The following NALCN variants were observed in gnomAD, a reference collection of about 807,000 sequenced individuals.
NALCN encodes sodium leak channel NALCN.
In NALCN, 111 loss-of-function variants were observed where a neutral mutation model predicts 225.3. That is an observed-to-expected ratio of 0.49 (90% confidence interval 0.42 to 0.58). The LOEUF (loss-of-function observed/expected upper bound fraction) is 0.58. Among genes scored for constraint, NALCN ranks in the 20% least tolerant of loss-of-function variants. The probability of loss-of-function intolerance (pLI) is 0.00; values close to 1 mark genes in which losing one functional copy is unlikely to be tolerated. For missense variants in NALCN, 1,378 were observed against 2,202.4 expected (o/e 0.63, Z 7.49); for synonymous variants, 764 against 769.0 (o/e 0.99, Z 0.11).
At chr13:101,286,211 G>C (rs2043332486) in intron 9 of NALCN, among the ~76,000 whole-genome samples, 1 of 152,138 alleles carries the variant, frequency 6.6e-6, no homozygotes. Context: ...ATCCTTGCGG[G>C]GAGCGTGGCA....
At chr13:101,400,772 AC>A (rs1471827233) in intron 1 of NALCN, among the ~76,000 whole-genome samples, 1 of 151,436 alleles carries the variant, frequency 6.6e-6, no homozygotes, top group Non-Finnish European at 1.5e-5. Flanking sequence ...GTGTCCTCCC[AC>A]CCCCCAAAAT....
chr13:101,231,002 A>G lies in NALCN; in HGVS notation c.1435-1418T>C, dbSNP rs917962603. 5.3e-5 allele frequency among the ~76,000 whole-genome samples: 8 copies of G among 152,330 alleles called. 1 individual carries two copies. Among genetic ancestry groups the G allele is most frequent in the South Asian group, 4.1e-4 (2 of 4,828 alleles). On this transcript the variant is annotated intron_variant, in intron 12 of 43. Coordinates refer to ENST00000251127, the MANE Select transcript of NALCN (RefSeq NM_052867.4). ...TTACCTTTGTGTGACAATTGCCTAC[A>G]GTATTCAATGTAGTCATACACTGTA...
In NALCN at chr13:101,172,099, G is replaced by A. The variant is rs550376054; in HGVS notation, c.1839+4201C>T. ...ATAGCTTCTCATGAGGACGCCTAGA[G>A]CTCAGCAGTCCTTGGCTAGAAACCA... On this transcript the variant is annotated intron_variant, in intron 15 of 43. Transcript: ENST00000251127. Among the ~76,000 whole-genome samples the A allele has an allele frequency of 2.4e-3, 361 of 152,288 alleles. 3 individuals carry two copies. The highest frequency in any genetic ancestry group is 3.4e-3 in the Middle Eastern group (1 of 294).
At chr13:101,286,536 C>T (rs1195788743) in intron 9 of NALCN, among the ~76,000 whole-genome samples, 2 of 152,164 alleles carry the variant, frequency 1.3e-5, no homozygotes, top group African/African-American at 4.8e-5. Flanking sequence ...CGTGGCAACA[C>T]AGACAACCAT....
chr13:101,114,513 G>T (rs978831273), intron 18 of NALCN, among the ~76,000 whole-genome samples: 2 of 151,880 alleles, frequency 1.3e-5, no homozygotes, highest in African/African-American at 2.4e-5. Context: ...CATATTGTGA[G>T]GTGCTCTACG....
chr13:101,364,896 A>T (rs76231032), intron 6 of NALCN, among the ~76,000 whole-genome samples: 1,709 of 152,290 alleles, frequency 0.011, 79 homozygotes, highest in East Asian at 0.089. Flanking sequence ...AAATAAATAC[A>T]TAGGAATCAA....
rs753418454 is a variant in NALCN, at chr13:101,104,371, A to T, written c.2813T>A (p.Met938Lys). Residue 938 changes from methionine to lysine, a missense_variant, in exon 25 of 44, where the codon ATG (methionine) becomes AAG (lysine). This residue lies in a region of NALCN where 292 missense variants were observed against 409.5 expected (regional missense o/e 0.71). Coordinates refer to ENST00000251127, the MANE Select transcript of NALCN (RefSeq NM_052867.4). This position sits in a 1 kb window ranked among gnomAD's most constrained non-coding sequence, Gnocchi z 4.2. The stretch of plus-strand genomic sequence containing the variant: ...TGGAGTGAAAAATAAGCCATCTGCC[A>T]TAATCTTCAGATTAAGCTCAATGCT... ...FMSIELNLKI[M>K]ADGLFFTPTA... 6.2e-7 allele frequency: 1 copy of T among 1,613,916 alleles called. No homozygotes were observed. The highest frequency in any genetic ancestry group is 1.7e-5 in the Admixed American group (1 of 59,988).
At chr13:101,096,268 T>C (rs998040515) in intron 27 of NALCN, among the ~76,000 whole-genome samples, 2 of 152,146 alleles carry the variant, frequency 1.3e-5, no homozygotes, top group Non-Finnish European at 2.9e-5. Context: ...GAAACTTGTA[T>C]AAAATGTTTA....
rs1008805082 is a variant in NALCN at position 101,089,405 on chromosome 13, A to T, written c.3489+258T>A. ...CATCTTTCTTTTCAATTTGAACAAT[A>T]GGAGACGCGCCTCTCAGTTGTCGGT... On this transcript the variant is annotated intron_variant, in intron 30 of 43. Coordinates refer to ENST00000251127, the MANE Select transcript of NALCN (RefSeq NM_052867.4). The surrounding 1 kb of genome is among the most constrained non-coding windows in gnomAD (Gnocchi z 4.7). Among the ~76,000 whole-genome samples, 2 of 152,222 alleles carry T rather than the reference A, an allele frequency of 1.3e-5. No individual in the cohort carries two copies. Among genetic ancestry groups the T allele is most frequent in the African/African-American group, 4.8e-5 (2 of 41,456 alleles).
At chr13:101,211,716 A>G (rs1018497452) in intron 13 of NALCN, among the ~76,000 whole-genome samples, 7 of 151,758 alleles carry the variant, frequency 4.6e-5, no homozygotes, top group Admixed American at 6.6e-5. Flanking sequence ...TTTCTATTGC[A>G]GAGTCATGCT....
chr13:101,139,633 C>A (rs2036970239), intron 17 of NALCN, among the ~76,000 whole-genome samples: 1 of 151,844 alleles, frequency 6.6e-6, no homozygotes, highest in African/African-American at 2.4e-5. Flanking sequence ...AGTGAAGAAC[C>A]CTGCCTGTCA....
chr13:101,328,702 G>A (rs979347527), intron 7 of NALCN, among the ~76,000 whole-genome samples: 2 of 152,002 alleles, frequency 1.3e-5, no homozygotes, highest in Non-Finnish European at 2.9e-5. Flanking sequence ...TAAATATTGA[G>A]AACTCATTAG....
intron 10 of NALCN, among the ~76,000 whole-genome samples, chr13:101,271,071 G>C (rs542857905): frequency 6.6e-6 from 1 of 152,236 alleles, no homozygotes; most frequent in East Asian, 1.9e-4. Flanking sequence ...TAGGAGACAG[G>C]AATTTAGTTT....
At chr13:101,396,800 T>A (rs2047305885) in intron 2 of NALCN, among the ~76,000 whole-genome samples, 1 of 152,016 alleles carries the variant, frequency 6.6e-6, no homozygotes, top group Admixed American at 6.6e-5. Flanking sequence ...AAAGACATAA[T>A]TTTAATGAAG....
rs764444847 is a variant in NALCN, at chr13:101,345,343, G to T, written c.722C>A (p.Pro241His). 5.6e-6 allele frequency: 9 copies of T among 1,613,698 alleles called. No homozygotes were observed. The highest frequency in any genetic ancestry group is 7.6e-6 in the Non-Finnish European group (9 of 1,179,824). Residue 241 changes from proline (P) to histidine (H), a missense_variant, in exon 7 of 44, where the codon CCT (proline) becomes CAT (histidine). Pro to His is a moderately conservative substitution (Grantham distance 77, BLOSUM62 -2). This residue lies in a region of NALCN where 67 missense variants were observed against 82.1 expected (regional missense o/e 0.82). Transcript: ENST00000251127. ...TTCAAGGTCCATGCATTTAAATCCA[G>T]GTGGGCACTGGTAGCCTTCTTCTAG... Reference protein sequence around the residue: ...PELEEGYQCPPGFKCMDLEDL... With the variant: ...PELEEGYQCPHGFKCMDLEDL...
intron 28 of NALCN, among the ~76,000 whole-genome samples, chr13:101,092,648 T>C (rs1265572537): frequency 1.3e-5 from 2 of 152,112 alleles, no homozygotes; most frequent in Admixed American, 6.6e-5. Flanking sequence ...TGTGTGTCCA[T>C]TGTACCCTTA....
chr13:101,195,626 G>A (rs1016180082), intron 13 of NALCN, among the ~76,000 whole-genome samples: 7 of 152,222 alleles, frequency 4.6e-5, no homozygotes, highest in South Asian at 2.1e-4. Context: ...TTCTGATGGC[G>A]TTATGCCTAT....
intron 28 of NALCN, among the ~76,000 whole-genome samples, chr13:101,091,714 G>T (rs1037563362): frequency 2.0e-5 from 3 of 151,958 alleles, no homozygotes; most frequent in Admixed American, 2.0e-4. Flanking sequence ...GCTTGAATAA[G>T]GATTTTTTAC....
chr13:101,215,039 C>T (rs765475118), intron 13 of NALCN, among the ~76,000 whole-genome samples: 1 of 152,040 alleles, frequency 6.6e-6, no homozygotes, highest in Non-Finnish European at 1.5e-5. Flanking sequence ...TCACAGCAGC[C>T]ACAAAAATCA....
Sources: gnomAD v4.1 joint callset for allele counts (sites outside exome capture counted in the v4.1 genomes callset) on GRCh38, gnomAD v4.1.1 for gene constraint, gnomAD v4.1.1 regional missense constraint, Gnocchi (gnomAD v3.1) non-coding constraint, MANE v1.5 for transcripts, NCBI Gene and HGNC (gene_info 2026-07-23, HGNC 2026-07-21) for gene names.